KRT75: variants seen among roughly 807,000 people sequenced by gnomAD.
KRT75 encodes keratin 75.
Under a neutral mutation model 48.8 loss-of-function variants are expected in KRT75, and 35 were observed. The ratio of observed to expected loss-of-function variants is 0.72; its 90% CI spans 0.55 to 0.95. The LOEUF is 0.95. KRT75 is among the 40% of genes least tolerant of loss of function. The pLI, the probability that KRT75 is intolerant of heterozygous loss-of-function variation, is 0.00. For synonymous variants in KRT75, 301 were observed against 282.3 expected, an observed-to-expected ratio of 1.07 and a Z score of -0.66; for missense variants, 776 against 709.9, an observed-to-expected ratio of 1.09 and a Z score of -1.06.
At chr12:52,432,203 T>C (rs1386790166) in intron 2 of KRT75, 137 bp from the exon 3 acceptor site, 1 of 757,264 alleles carries the variant, frequency 1.3e-6, no homozygotes, top group Non-Finnish European at 2.2e-6. Context: ...GGGTGATTCA[T>C]TTAACCTCTA....
At chr12:52,431,727 C>G in intron 3 of KRT75, 89 bp from the exon 4 acceptor site, 1 of 1,077,994 alleles carries the variant, frequency 9.3e-7, no homozygotes, top group Admixed American at 1.7e-5. Context: ...CCCAGCCCAT[C>G]TAGTTTGGAT....
chr12:52,430,403 G>C, intron 5 of KRT75, 138 bp downstream of exon 5: 1 of 915,616 alleles, frequency 1.1e-6, no homozygotes, highest in Non-Finnish European at 1.8e-6. Flanking sequence ...AAGCTAAGTT[G>C]TCATAGCATC....
chr12:52,425,810 C>T (rs1029217916), intron 8 of KRT75, among the ~76,000 whole-genome samples: 1 of 152,238 alleles, frequency 6.6e-6, no homozygotes, highest in African/African-American at 2.4e-5. Flanking sequence ...CCCTTAATTT[C>T]AGCCTCCGGA....
At chr12:52,430,282 A>T (rs2121512796) in intron 5 of KRT75, among the ~76,000 whole-genome samples, 1 of 152,056 alleles carries the variant, frequency 6.6e-6, no homozygotes, top group South Asian at 2.1e-4. Context: ...CTGGTGTCTC[A>T]CCCTGCTCCC....
At position 52,433,184 on chromosome 12, in the gene KRT75, G is replaced by A. The variant is rs1940168930; in HGVS notation, c.567C>T (p.Ser189=). ...TKWALLQEQG[S]RTVRQNLEPL... is the part of the protein sequence containing the mutation. ...GCTCTAGGTTCTGCCTCACAGTCCT[G>A]GAGCCCTGCTCCTGCAGGAGGGCCC... The change falls in exon 2 of 9, where the codon TCC becomes TCT. Residue 189 remains serine (S), a synonymous_variant. Coordinates refer to ENST00000252245, the MANE Select transcript of KRT75 (RefSeq NM_004693.3). 2 of 1,613,898 alleles carry A rather than the reference G, an allele frequency of 1.2e-6. No individual in the cohort carries two copies. The highest frequency in any genetic ancestry group is 1.7e-6 in the Non-Finnish European group (2 of 1,180,008).
intron 4 of KRT75, among the ~76,000 whole-genome samples, chr12:52,431,230 G>A (rs1940140530): frequency 6.6e-6 from 1 of 152,074 alleles, no homozygotes; most frequent in African/African-American, 2.4e-5. Context: ...GGAAGGGGAA[G>A]GGAGCAGGTA....
At chr12:52,426,147 G>A (rs1363325878) in intron 8 of KRT75, among the ~76,000 whole-genome samples, 2 of 152,208 alleles carry the variant, frequency 1.3e-5, no homozygotes, top group Non-Finnish European at 2.9e-5. Flanking sequence ...AGTCATTTCT[G>A]TTGCCCTTGT....
intron 4 of KRT75, 70 bp from the exon 5 acceptor site, chr12:52,430,775 CCATCTAGGT>C: frequency 1.9e-6 from 3 of 1,559,534 alleles, no homozygotes; most frequent in Non-Finnish European, 2.7e-6. Flanking sequence ...GGTTAACTAC[CCATCTAGGT>C]CAGGAATCCT....
At chr12:52,425,620 C>A (rs1003628323) in intron 8 of KRT75, among the ~76,000 whole-genome samples, 7 of 152,148 alleles carry the variant, frequency 4.6e-5, no homozygotes, top group African/African-American at 1.2e-4. Flanking sequence ...CAAGGAACAC[C>A]GAGGATGGAT....
At chr12:52,430,885 C>T (rs561509897) in intron 4 of KRT75, among the ~76,000 whole-genome samples, 180 bp from the exon 5 acceptor site, 1 of 152,318 alleles carries the variant, frequency 6.6e-6, no homozygotes, top group Admixed American at 6.5e-5. Flanking sequence ...CTTTCCCAGC[C>T]TTACTTCTCA....
chr12:52,431,411 C>T, intron 4 of KRT75, 132 bp downstream of exon 4: 1 of 769,568 alleles, frequency 1.3e-6, no homozygotes, highest in South Asian at 1.4e-5. Context: ...CCCCCTACCA[C>T]CCAAGCCCCA....
In KRT75 at chr12:52,428,399, C is replaced by T; in HGVS notation, c.1239G>A (p.Leu413=). The part of the protein sequence containing the change: ...ELALKDARAK[L]VDLEEALQKA... ...TCTGCAGGGCCTCCTCAAGGTCCAC[C>T]AGCTTGGCCCGTGCATCCTTGAGAG... The change falls in exon 7 of 9, where the codon CTG becomes CTA. Residue 413 remains leucine (L), a synonymous_variant. Coordinates refer to ENST00000252245, the MANE Select transcript of KRT75 (RefSeq NM_004693.3). The T allele has an allele frequency of 4.3e-6, 7 of 1,614,204 alleles. No individual in the cohort carries two copies. The highest frequency in any genetic ancestry group is 1.3e-5 in the African/African-American group (1 of 75,064).
At chr12:52,431,766 G>A (rs966082311) in intron 3 of KRT75, 128 bp from the exon 4 acceptor site, 2 of 836,366 alleles carry the variant, frequency 2.4e-6, no homozygotes. Context: ...TGGGTGATTT[G>A]GGGTTGGGGA....
rs775751246 is a variant in KRT75, at chr12:52,434,166, G to C, written c.139C>G (p.Leu47Val). The C allele has an allele frequency of 6.2e-7, 1 of 1,613,164 alleles. No individual in the cohort carries two copies. Among genetic ancestry groups the C allele is most frequent in the African/African-American group, 1.3e-5 (1 of 74,914 alleles). The change falls in exon 1 of 9, where the codon CTG becomes GTG. Residue 47 changes from leucine to valine, a missense_variant. Physicochemically the swap from Leu to Val is conservative, Grantham distance 32 (BLOSUM62 1). Transcript: ENST00000252245. ...GCCCCAGCACTGCTGATCCTTCCCA[G>C]GCCCCCACTCCCTGCTGCAGAGCGG... ...VARSAAGSGG[L>V]GRISSAGASF...
intron 3 of KRT75, 55 bp from the exon 4 acceptor site, chr12:52,431,693 C>CA (rs1318830160): frequency 5.0e-5 from 65 of 1,290,662 alleles, no homozygotes; most frequent in Non-Finnish European, 7.3e-5. Flanking sequence ...GTATCTAGTC[C>CA]AAAAGAAGCT....
chr12:52,433,929 C>T lies in KRT75; in HGVS notation c.376G>A (p.Val126Ile). ...CPPGGIQEVT[V>I]NQSLLTPLHL... ...AGAGGAGTCAGGAGACTCTGGTTGA[C>T]AGTGACCTCTTGGATGCCTCCAGGG... The change falls in exon 1 of 9, where the codon GTC becomes ATC. Residue 126 changes from valine to isoleucine, a missense_variant. Transcript: ENST00000252245. 6.2e-7 allele frequency: 1 copy of T among 1,614,182 alleles called. No individual in the cohort carries two copies. The highest frequency in any genetic ancestry group is 8.5e-7 in the Non-Finnish European group (1 of 1,180,026).
At chr12:52,427,137 A>G (rs535985870) in intron 7 of KRT75, among the ~76,000 whole-genome samples, 2 of 152,224 alleles carry the variant, frequency 1.3e-5, no homozygotes, top group Non-Finnish European at 2.9e-5. Context: ...AAGGAAATTA[A>G]AAGTAATCAT....
At position 52,428,840 on chromosome 12, in the gene KRT75, A is replaced by T. The variant is rs559631909; in HGVS notation, c.1036-97T>A. On this transcript the variant is annotated intron_variant, in intron 5 of 8. Coordinates refer to ENST00000252245, the MANE Select transcript of KRT75 (RefSeq NM_004693.3). Reference sequence around the variant, plus strand: ...CACCCTGGGTGCCACAAGCAGGCTCATTCATTCCTGGTCATTCACTCATTC... The same window carrying T: ...CACCCTGGGTGCCACAAGCAGGCTCTTTCATTCCTGGTCATTCACTCATTC... The T allele has an allele frequency of 1.7e-5, 25 of 1,472,800 alleles. No individual in the cohort carries two copies. In the South Asian group the frequency reaches 2.8e-4, roughly 17 times the overall value. The allele number at this position is 1,472,800 out of a possible 1,614,324, so 91.2% of individuals were successfully genotyped here.
Position 52,434,201 on chromosome 12 carries a change from A to G in KRT75, c.104T>C (p.Val35Ala). The G allele has an allele frequency of 6.2e-7, 1 of 1,606,692 alleles. No homozygotes were observed. Among genetic ancestry groups the G allele is most frequent in the Non-Finnish European group, 8.5e-7 (1 of 1,175,432 alleles). ...PAAGRSRFSS[V>A]SVARSAAGSG... ...CCCTGCTGCAGAGCGGGCCACAGAGACAGAGCTGAAGCGGGAGCGGCCAGC... is the reference window on the plus strand; with the variant it reads ...CCCTGCTGCAGAGCGGGCCACAGAGGCAGAGCTGAAGCGGGAGCGGCCAGC... Residue 35 changes from valine (V) to alanine (A), a missense_variant, in exon 1 of 9, where the codon GTC (valine) becomes GCC (alanine). By Grantham distance (64) the Val-to-Ala change is moderately conservative. Transcript: ENST00000252245.
Sources: gnomAD v4.1 joint callset for allele counts (sites outside exome capture counted in the v4.1 genomes callset) on GRCh38, gnomAD v4.1.1 for gene constraint, MANE v1.5 for transcripts, NCBI Gene and HGNC (gene_info 2026-07-23, HGNC 2026-07-21) for gene names.